The following CHD9 variants were observed in gnomAD, a reference collection of about 807,000 sequenced individuals.
CHD9 encodes chromodomain helicase DNA binding protein 9, also known as ATP-dependent chromatin remodeler CHD9.
In CHD9, 77 loss-of-function variants were observed where a neutral mutation model predicts 316.1. The observed-to-expected ratio is 0.24, with a 90% CI of 0.20 to 0.29. The LOEUF is 0.29. CHD9 is among the 10% of genes least tolerant of loss of function. CHD9 has a pLI of 1.00. For synonymous variants in CHD9, 1,129 were observed against 1,158.3 expected (o/e 0.97, Z 0.51); for missense variants, 2,763 against 3,438.1 (o/e 0.80, Z 4.91).
In CHD9 at chr16:53,271,518, G is replaced by A. The variant is rs1013892715; in HGVS notation, c.4718-2108G>A. On this transcript the variant is annotated intron_variant, in intron 22 of 38. Coordinates refer to ENST00000447540, the MANE Select transcript of CHD9 (RefSeq NM_001308319.2). Reference sequence around the variant, plus strand: ...TGGGAGGCGGAGGTTGCAGTGAGCCGAGATCACGCTACTGCACTCCAGCCT... The same window carrying A: ...TGGGAGGCGGAGGTTGCAGTGAGCCAAGATCACGCTACTGCACTCCAGCCT... Among the ~76,000 whole-genome samples the A allele has an allele frequency of 5.3e-5, 8 of 151,118 alleles. No individual in the cohort carries two copies. The East Asian group carries it at 7.8e-4, about 15-fold the overall frequency.
At chr16:53,091,007 C>T (rs1044527549) in intron 1 of CHD9, among the ~76,000 whole-genome samples, 7 of 151,756 alleles carry the variant, frequency 4.6e-5, no homozygotes, top group Non-Finnish European at 8.8e-5. Context: ...GCTCACCCCC[C>T]CCCGACTGAC....
intron 3 of CHD9, among the ~76,000 whole-genome samples, chr16:53,214,164 A>G (rs2046555185): frequency 6.6e-6 from 1 of 152,192 alleles, no homozygotes; most frequent in Admixed American, 6.5e-5. Context: ...ATATATGTAC[A>G]TACATGCATA....
At position 53,275,504 on chromosome 16, in the gene CHD9, T is replaced by C. The variant is rs147557906; in HGVS notation, c.4967+1202T>C. Among the ~76,000 whole-genome samples, 241 of 152,292 alleles carry C rather than the reference T, an allele frequency of 1.6e-3. 3 individuals are homozygous for C. Among genetic ancestry groups the C allele is most frequent in the African/African-American group, 5.4e-3 (225 of 41,550 alleles). On this transcript the variant is annotated intron_variant, in intron 24 of 38. Coordinates refer to ENST00000447540, the MANE Select transcript of CHD9 (RefSeq NM_001308319.2). The stretch of plus-strand genomic sequence containing the variant: ...GGAAATAGAAAAAACTATACCGCAA[T>C]GTAATAAATACTTTTGTGTATGTAT...
intron 8 of CHD9, among the ~76,000 whole-genome samples, chr16:53,230,230 C>A (rs953247235): frequency 6.6e-6 from 1 of 152,078 alleles, no homozygotes; most frequent in Non-Finnish European, 1.5e-5. Flanking sequence ...ACCTCTGTAC[C>A]CCAGTACTGG....
intron 3 of CHD9, among the ~76,000 whole-genome samples, chr16:53,217,702 C>T (rs561364586): frequency 6.6e-6 from 1 of 152,226 alleles, no homozygotes; most frequent in African/African-American, 2.4e-5. Flanking sequence ...TTACAGTTTT[C>T]AAGGTTCATT....
Position 53,304,513 on chromosome 16 carries a change from A to G in CHD9, c.6507A>G (p.Ser2169=). ...CAGGCTCTAGTTCTTCTTCATCTTC[A>G]TCTTGTTCTTCAGCATCTTCTTCAT... is the stretch of plus-strand genomic sequence containing the variant. ...SRSGSSSSSS[S]SCSSASSSSS... Residue 2169 remains serine (S), a synonymous_variant, in exon 31 of 39, where the codon TCA becomes TCG. Transcript: ENST00000447540. The G allele has an allele frequency of 6.4e-7, 1 of 1,550,910 alleles. No homozygotes were observed. Among genetic ancestry groups the G allele is most frequent in the Non-Finnish European group, 8.7e-7 (1 of 1,146,070 alleles).
At chr16:53,130,809 CGCGGCAGGAGCG>C (rs2039210659) in intron 1 of CHD9, 2 of 151,760 alleles carry the variant, frequency 1.3e-5, no homozygotes, top group African/African-American at 2.4e-5. Context: ...CGGCTGGAGC[CGCGGCAGGAGCG>C]GCGGCGGTCA....
At chr16:53,182,140 T>C (rs2043579156) in intron 2 of CHD9, among the ~76,000 whole-genome samples, 1 of 152,206 alleles carries the variant, frequency 6.6e-6, no homozygotes, top group Admixed American at 6.5e-5. Flanking sequence ...TTTCTGGTCA[T>C]TATGTCATAG....
chr16:53,269,578 A>G (rs574343994), intron 22 of CHD9, among the ~76,000 whole-genome samples: 3 of 152,348 alleles, frequency 2.0e-5, no homozygotes, highest in African/African-American at 7.2e-5. Flanking sequence ...AATAGGAGAC[A>G]GTGAGTTTAA....
At position 53,227,415 on chromosome 16, in the gene CHD9, A is replaced by T; in HGVS notation, c.2063A>T (p.Asp688Val). The T allele has an allele frequency of 6.4e-7, 1 of 1,571,832 alleles. No individual in the cohort carries two copies. Among genetic ancestry groups the T allele is most frequent in the South Asian group, 1.2e-5 (1 of 84,750 alleles). Residue 688 changes from aspartate (D) to valine (V), a missense_variant, in exon 6 of 39, where the codon GAT becomes GTT. Physicochemically the swap from Asp to Val is radical, Grantham distance 152. Around this residue, in one of 15 missense-constraint regions of CHD9, gnomAD observed 859 missense variants for 890.4 expected, o/e 0.96. Transcript: ENST00000447540. Reference sequence around the variant, plus strand: ...CCATAGGAGAATCCGAGTGAAGAAGATGCTGCAATTGTAGACAAAATTCTA... The same window carrying T: ...CCATAGGAGAATCCGAGTGAAGAAGTTGCTGCAATTGTAGACAAAATTCTA... ...QLFVENPSEE[D>V]AAIVDKILSS...
At chr16:53,090,470 A>G (rs2035838556) in intron 1 of CHD9, among the ~76,000 whole-genome samples, 1 of 152,212 alleles carries the variant, frequency 6.6e-6, no homozygotes, top group Non-Finnish European at 1.5e-5. Context: ...GCAAGGTATT[A>G]ATCTCTCTGC....
intron 22 of CHD9, among the ~76,000 whole-genome samples, chr16:53,271,283 C>G (rs2052232863): frequency 1.3e-5 from 2 of 151,876 alleles, no homozygotes; most frequent in Non-Finnish European, 2.9e-5. Flanking sequence ...GACAAAAAAC[C>G]ATTGGCTGGG....
At chr16:53,063,415 G>T (rs1435507926) in intron 1 of CHD9, among the ~76,000 whole-genome samples, 1 of 148,858 alleles carries the variant, frequency 6.7e-6, no homozygotes, top group Non-Finnish European at 1.5e-5. Flanking sequence ...ATGTGAAGGT[G>T]ATATTTGAAT....
intron 1 of CHD9, among the ~76,000 whole-genome samples, chr16:53,062,166 A>C (rs140978592): frequency 2.1e-3 from 321 of 152,316 alleles, no homozygotes; most frequent in African/African-American, 7.0e-3. Context: ...CTAGAATGCT[A>C]CTGTAACACT....
chr16:53,318,771 C>T (rs182244606), intron 37 of CHD9, among the ~76,000 whole-genome samples: 3 of 152,258 alleles, frequency 2.0e-5, no homozygotes, highest in Admixed American at 6.5e-5. Flanking sequence ...CATAGAACAA[C>T]CCCCTACAAT....
At chr16:53,266,267 G>A (rs949880788) in intron 20 of CHD9, among the ~76,000 whole-genome samples, 3 of 152,088 alleles carry the variant, frequency 2.0e-5, no homozygotes, top group Non-Finnish European at 2.9e-5. Context: ...CTTGGCAAAA[G>A]TTAACATCAC....
intron 1 of CHD9, among the ~76,000 whole-genome samples, chr16:53,110,154 G>A (rs929140538): frequency 6.6e-6 from 1 of 152,136 alleles, no homozygotes; most frequent in Non-Finnish European, 1.5e-5. Flanking sequence ...TCTGGTCCCG[G>A]TAGGCATTTG....
intron 8 of CHD9, among the ~76,000 whole-genome samples, chr16:53,230,478 C>G (rs568467074): frequency 8.6e-5 from 13 of 152,044 alleles, no homozygotes; most frequent in Non-Finnish European, 1.5e-4. Flanking sequence ...AAAGATGATT[C>G]TAATGACCTG....
At chr16:53,310,160 A>G (rs2056339613) in intron 34 of CHD9, among the ~76,000 whole-genome samples, 1 of 152,208 alleles carries the variant, frequency 6.6e-6, no homozygotes, top group Admixed American at 6.5e-5. Context: ...TAACCATTCA[A>G]TGTAATTTTC....
Sources: allele counts gnomAD v4.1 joint callset (sites outside exome capture counted in the v4.1 genomes callset), GRCh38; gene constraint gnomAD v4.1.1; regional missense constraint gnomAD v4.1.1; transcripts MANE v1.5; gene names NCBI Gene and HGNC (gene_info 2026-07-23, HGNC 2026-07-21).